Variants in WDR72 observed in about 807,000 individuals in gnomAD.
WDR72 encodes WD repeat domain 72.
Under a neutral mutation model 124.2 loss-of-function variants are expected in WDR72, and 120 were observed. That is an observed-to-expected ratio of 0.97 (90% CI 0.83 to 1.12). The LOEUF is 1.12. Among genes scored for constraint, WDR72 ranks in the 50% most tolerant of loss-of-function variants. The pLI is 0.00. For missense variants in WDR72, 1,387 were observed against 1,278.8 expected (o/e 1.08, Z -1.29); for synonymous variants, 452 against 441.7 (o/e 1.02, Z -0.29).
At chr15:53,559,256 G>T (rs914079495) in intron 18 of WDR72, among the ~76,000 whole-genome samples, 36 of 151,844 alleles carry the variant, frequency 2.4e-4, no homozygotes, top group African/African-American at 8.5e-4. Context: ...AGAAGAAAGA[G>T]TCCTCATTCG....
intron 14 of WDR72, among the ~76,000 whole-genome samples, chr15:53,648,901 A>ATCCCAG (rs1239812680): frequency 9.6e-5 from 13 of 135,048 alleles, no homozygotes; most frequent in African/African-American, 5.2e-4. Context: ...AGCAGAAGAA[A>ATCCCAG]CAAGACAAAA....
At chr15:53,701,536 GTCTCTCTC>G (rs370281315) in intron 12 of WDR72, among the ~76,000 whole-genome samples, 1 of 101,504 alleles carries the variant, frequency 9.9e-6, no homozygotes, top group Non-Finnish European at 1.9e-5. Flanking sequence ...GTGAGACCCT[GTCTCTCTC>G]TCTCTCTCTC....
chr15:53,742,423 T>C (rs776187239), intron 1 of WDR72, among the ~76,000 whole-genome samples: 16 of 152,200 alleles, frequency 1.1e-4, no homozygotes, highest in Non-Finnish European at 2.1e-4. Context: ...AAGAAGTCTT[T>C]GGAAAAAGAT....
chr15:53,702,728 C>T (rs1480991459), intron 11 of WDR72, among the ~76,000 whole-genome samples: 1 of 152,070 alleles, frequency 6.6e-6, no homozygotes, highest in Non-Finnish European at 1.5e-5. Flanking sequence ...CAAAAATTAG[C>T]TAGGTGTGGT....
intron 14 of WDR72, among the ~76,000 whole-genome samples, chr15:53,636,707 A>G (rs1348787976): frequency 6.6e-6 from 1 of 152,174 alleles, no homozygotes; most frequent in South Asian, 2.1e-4. Context: ...GAAAATTCCA[A>G]TGGAGTACGT....
intron 18 of WDR72, among the ~76,000 whole-genome samples, chr15:53,585,325 A>G (rs1438958666): frequency 2.0e-5 from 3 of 151,964 alleles, no homozygotes; most frequent in Admixed American, 2.0e-4. Flanking sequence ...AGATGCTTAC[A>G]AAACCATCAG....
intron 18 of WDR72, among the ~76,000 whole-genome samples, chr15:53,538,634 A>G (rs1183525126): frequency 6.6e-6 from 1 of 152,194 alleles, no homozygotes; most frequent in South Asian, 2.1e-4. Context: ...ATGCATTATT[A>G]TATCCATTTT....
At chr15:53,611,315 A>C (rs1460335743) in intron 16 of WDR72, among the ~76,000 whole-genome samples, 1 of 152,096 alleles carries the variant, frequency 6.6e-6, no homozygotes, top group African/African-American at 2.4e-5. Flanking sequence ...GTGCCAACCT[A>C]AATTCCAGAG....
At chr15:53,755,328 C>T (rs191425776) in intron 1 of WDR72, among the ~76,000 whole-genome samples, 14 of 152,242 alleles carry the variant, frequency 9.2e-5, no homozygotes, top group Admixed American at 2.6e-4. Context: ...TGTGGCATAA[C>T]GGATTATTAG....
At chr15:53,678,999 C>T (rs942797606) in intron 13 of WDR72, among the ~76,000 whole-genome samples, 2 of 152,148 alleles carry the variant, frequency 1.3e-5, no homozygotes, top group African/African-American at 4.8e-5. Context: ...CTGACACATG[C>T]TATAAAATGG....
chr15:53,736,079 G>T (rs903067331), intron 1 of WDR72, among the ~76,000 whole-genome samples: 1 of 151,820 alleles, frequency 6.6e-6, no homozygotes, highest in Non-Finnish European at 1.5e-5. Context: ...TGAGTAAAAA[G>T]AATTCAGAGA....
At chr15:53,539,687 C>A (rs564546699) in intron 18 of WDR72, among the ~76,000 whole-genome samples, 1 of 149,026 alleles carries the variant, frequency 6.7e-6, no homozygotes, top group South Asian at 2.1e-4. Context: ...TACCTACATA[C>A]AGAAAGTGAG....
At chr15:53,670,652 T>C (rs2015953823) in intron 13 of WDR72, among the ~76,000 whole-genome samples, 2 of 152,216 alleles carry the variant, frequency 1.3e-5, no homozygotes, top group African/African-American at 4.8e-5. Context: ...CAAGTTACTT[T>C]ACATCTCTGT....
At chr15:53,583,668 G>A (rs2140320928) in intron 18 of WDR72, among the ~76,000 whole-genome samples, 1 of 152,150 alleles carries the variant, frequency 6.6e-6, no homozygotes, top group South Asian at 2.1e-4. Context: ...AGGCAATTCT[G>A]CCCTGTGTTA....
Position 53,716,585 on chromosome 15 carries a change from TGAAG to T in WDR72, c.339+18_339+21del, listed in dbSNP as rs777738817. ...CAAGTTGCAGAATCTAGAAATGCCC[TGAAG>T]GAAGTGAGTGTACTTACACAGATTG... On this transcript the variant is annotated intron_variant, in intron 4 of 19. Transcript: ENST00000360509. 50 of 1,515,724 alleles carry T rather than the reference TGAAG, an allele frequency of 3.3e-5. No homozygotes were observed. Among genetic ancestry groups the T allele is most frequent in the Middle Eastern group, 3.4e-4 (2 of 5,870 alleles). The allele number at this position is 1,515,724 out of a possible 1,614,324, so 93.9% of individuals were successfully genotyped here.
In WDR72 at chr15:53,613,743, T is replaced by C. The variant is rs766868645; in HGVS notation, c.2795A>G (p.Glu932Gly). 8 of 1,605,654 alleles carry C rather than the reference T, an allele frequency of 5.0e-6. No homozygotes were observed. In the South Asian group the frequency reaches 7.7e-5, roughly 15 times the overall value. ...ACCTCTCATCTTATTATGTATACTT[T>C]CCATTCTGAAAGAACTGTTAGAAAA... ...ACRVGSSFRM[E>G]SIHNKMRGAG... Residue 932 changes from glutamate (E) to glycine (G), a missense_variant, in exon 16 of 20, where the codon GAA (glutamate) becomes GGA (glycine). Coordinates refer to ENST00000360509, the MANE Select transcript of WDR72 (RefSeq NM_182758.4).
chr15:53,652,450 T>C (rs2015274724), intron 14 of WDR72, among the ~76,000 whole-genome samples: 1 of 152,132 alleles, frequency 6.6e-6, no homozygotes, highest in Admixed American at 6.5e-5. Context: ...CAGGAAGCAA[T>C]GTTTGCTACT....
At chr15:53,706,331 C>CGT (rs58315386) in intron 9 of WDR72, among the ~76,000 whole-genome samples, 818 of 51,628 alleles carry the variant, frequency 0.016, 27 homozygotes, top group African/African-American at 0.045. Flanking sequence ...GTTATATGTG[C>CGT]GTGTGTGTGT....
At position 53,516,715 on chromosome 15, in the gene WDR72, T is replaced by C. The variant is rs1891480674; in HGVS notation, c.*984A>G. On this transcript the variant is annotated 3_prime_UTR_variant, in exon 20 of 20. Coordinates refer to ENST00000360509, the MANE Select transcript of WDR72 (RefSeq NM_182758.4). Reference sequence around the variant, plus strand: ...ACATATTTAATACTTTATATCCTTTTTTCTATGGATTAGGCAATATTTATA... The same window carrying C: ...ACATATTTAATACTTTATATCCTTTCTTCTATGGATTAGGCAATATTTATA... 6.6e-6 allele frequency: 1 copy of C among 152,056 alleles called. No individual in the cohort carries two copies. The highest frequency in any genetic ancestry group is 2.4e-5 in the African/African-American group (1 of 41,428). The allele number at this position is 152,056 out of a possible 1,614,324, so 9.4% of individuals were successfully genotyped here.
Sources: gnomAD v4.1 joint callset for allele counts (sites outside exome capture counted in the v4.1 genomes callset) on GRCh38, gnomAD v4.1.1 for gene constraint, MANE v1.5 for transcripts, NCBI Gene and HGNC (gene_info 2026-07-23, HGNC 2026-07-21) for gene names.